XYLT1: variants seen among roughly 807,000 people sequenced by gnomAD.
XYLT1 encodes the protein beta-D-xylosyltransferase 1.
XYLT1 carries 36 observed loss-of-function variants against 91.3 expected under a neutral mutation model. That is an observed-to-expected ratio of 0.39 (90% CI 0.30 to 0.52). XYLT1 has a LOEUF of 0.52. Among genes scored for constraint, XYLT1 ranks in the 20% least tolerant of loss-of-function variants. The pLI is 0.68. For synonymous variants in XYLT1, 588 were observed against 532.0 expected (o/e 1.11, Z -1.45); for missense variants, 1,242 against 1,284.5 (o/e 0.97, Z 0.51).
chr16:17,232,436 T>TATATATATATAC (rs2033178122), intron 3 of XYLT1, among the ~76,000 whole-genome samples: 2 of 126,998 alleles, frequency 1.6e-5, no homozygotes, highest in African/African-American at 5.5e-5. Context: ...TGTGTATATA[T>TATATATATATAC]ATATATATAT....
At chr16:17,378,125 T>C (rs1355947699) in intron 1 of XYLT1, among the ~76,000 whole-genome samples, 1 of 136,962 alleles carries the variant, frequency 7.3e-6, no homozygotes. Context: ...CAATAAATGT[T>C]CGAGAATGAA....
chr16:17,347,680 CA>C (rs2035162410), intron 2 of XYLT1, among the ~76,000 whole-genome samples: 1 of 152,356 alleles, frequency 6.6e-6, no homozygotes, highest in South Asian at 2.1e-4. Context: ...AAACATGACA[CA>C]AGATGACAGT....
At chr16:17,332,994 C>A (rs920883319) in intron 2 of XYLT1, among the ~76,000 whole-genome samples, 1 of 152,128 alleles carries the variant, frequency 6.6e-6, no homozygotes, top group African/African-American at 2.4e-5. Flanking sequence ...AGAGGCAGAA[C>A]CCTGATTAAC....
intron 5 of XYLT1, among the ~76,000 whole-genome samples, chr16:17,166,185 A>G (rs1401861763): frequency 2.6e-5 from 4 of 152,210 alleles, no homozygotes; most frequent in African/African-American, 9.6e-5. Flanking sequence ...CTGTCAAGCA[A>G]CGGGGTCAGG....
At chr16:17,406,055 C>T (rs951990802) in intron 1 of XYLT1, among the ~76,000 whole-genome samples, 6 of 152,078 alleles carry the variant, frequency 3.9e-5, no homozygotes, top group Admixed American at 3.9e-4. Flanking sequence ...CGTGGTGGTG[C>T]ATGCCTGTAA....
intron 3 of XYLT1, among the ~76,000 whole-genome samples, chr16:17,222,276 A>G (rs937366577): frequency 6.6e-6 from 1 of 152,184 alleles, no homozygotes; most frequent in African/African-American, 2.4e-5. Context: ...CTCCCTGAGG[A>G]CATCTAGCAA....
chr16:17,262,231 T>G (rs2033733691), intron 2 of XYLT1, among the ~76,000 whole-genome samples: 1 of 152,226 alleles, frequency 6.6e-6, no homozygotes, highest in South Asian at 2.1e-4. Context: ...GGTGCCATGC[T>G]AAGCCCTTGG....
chr16:17,216,239 G>A (rs1197520633), intron 3 of XYLT1, among the ~76,000 whole-genome samples: 1 of 151,912 alleles, frequency 6.6e-6, no homozygotes, highest in South Asian at 2.1e-4. Context: ...AAAACGCAGC[G>A]ACTCATCTAT....
At chr16:17,239,589 GTCCGTCCA>G (rs1467441337) in intron 3 of XYLT1, among the ~76,000 whole-genome samples, 3 of 139,952 alleles carry the variant, frequency 2.1e-5, no homozygotes, top group East Asian at 2.2e-4. Flanking sequence ...CACTCACCTA[GTCCGTCCA>G]TCCATCCATC....
Position 17,345,956 on chromosome 16 carries a change from G to A in XYLT1, c.402+12056C>T, listed in dbSNP as rs139807742. 2.7e-3 allele frequency among the ~76,000 whole-genome samples: 417 copies of A among 152,228 alleles called. 6 individuals carry two copies. The East Asian group carries it at 0.037, about 13-fold the overall frequency. On this transcript the variant is annotated intron_variant, in intron 2 of 11. Coordinates refer to ENST00000261381, the MANE Select transcript of XYLT1 (RefSeq NM_022166.4). ...CTCCCGAGTAGCTGGGATTATAGGCGTGTGCCACCACACGTGGCTAATTTT... is the reference window on the plus strand; with the variant it reads ...CTCCCGAGTAGCTGGGATTATAGGCATGTGCCACCACACGTGGCTAATTTT...
rs184578862 is a variant in XYLT1 at position 17,280,305 on chromosome 16, G to A, written c.403-20807C>T. On this transcript the variant is annotated intron_variant, in intron 2 of 11. Transcript: ENST00000261381. ...GAAGAGGTTGCAGTGAGCCAAGATC[G>A]TGCCACTGCACTCCAGCCTGGGTGA... is the stretch of plus-strand genomic sequence containing the variant. 2.1e-3 allele frequency among the ~76,000 whole-genome samples: 317 copies of A among 152,312 alleles called. 1 individual carries two copies. The highest frequency in any genetic ancestry group is 7.2e-3 in the African/African-American group (300 of 41,570).
intron 9 of XYLT1, among the ~76,000 whole-genome samples, chr16:17,133,250 GAGTT>G (rs1387090515): frequency 2.0e-5 from 3 of 151,984 alleles, no homozygotes; most frequent in Non-Finnish European, 4.4e-5. Context: ...TGTTTTCAGA[GAGTT>G]AGTGAACAAT....
At chr16:17,207,478 G>A (rs73521002) in intron 3 of XYLT1, among the ~76,000 whole-genome samples, 1 of 152,082 alleles carries the variant, frequency 6.6e-6, no homozygotes, top group South Asian at 2.1e-4. Context: ...TTGGGGGAGA[G>A]GCCTCAATGA....
At chr16:17,268,606 T>C (rs2033840085) in intron 2 of XYLT1, among the ~76,000 whole-genome samples, 1 of 152,170 alleles carries the variant, frequency 6.6e-6, no homozygotes, top group Non-Finnish European at 1.5e-5. Flanking sequence ...GATTTGTATT[T>C]TACTTCCATA....
At chr16:17,250,760 G>A (rs1375853999) in intron 3 of XYLT1, 2 of 152,280 alleles carry the variant, frequency 1.3e-5, no homozygotes, top group African/African-American at 4.8e-5. Context: ...AGATGCCAAA[G>A]GGCCCAGTTG....
intron 9 of XYLT1, 101 bp from the exon 10 acceptor site, chr16:17,127,962 T>C: frequency 1.9e-6 from 2 of 1,056,880 alleles, no homozygotes; most frequent in Non-Finnish European, 1.4e-6. Context: ...CAGTCCCCAT[T>C]GTGCACAATG....
chr16:17,182,646 T>C (rs1489626131), intron 5 of XYLT1, among the ~76,000 whole-genome samples: 2 of 145,220 alleles, frequency 1.4e-5, no homozygotes, highest in African/African-American at 5.1e-5. Flanking sequence ...CCAGCATTGC[T>C]TTGAGTTTGC....
chr16:17,268,450 T>C (rs1253785886), intron 2 of XYLT1, among the ~76,000 whole-genome samples: 1 of 152,212 alleles, frequency 6.6e-6, no homozygotes, highest in Non-Finnish European at 1.5e-5. Context: ...TCCTCAATAA[T>C]GTTTGAGACT....
chr16:17,380,933 T>G (rs947597605), intron 1 of XYLT1, among the ~76,000 whole-genome samples: 9 of 152,180 alleles, frequency 5.9e-5, no homozygotes, highest in Non-Finnish European at 1.3e-4. Flanking sequence ...ATTCCACTTA[T>G]AGGAGGTACT....
Sources: allele counts gnomAD v4.1 joint callset (sites outside exome capture counted in the v4.1 genomes callset), GRCh38; gene constraint gnomAD v4.1.1; transcripts MANE v1.5; gene names NCBI Gene and HGNC (gene_info 2026-07-23, HGNC 2026-07-21).